Variants in FUNDC2 observed in about 807,000 individuals in gnomAD.
The protein encoded by FUNDC2 is FUN14 domain containing 2, also known as FUN14 domain-containing protein 2.
A neutral mutation model predicts 15.6 loss-of-function variants in FUNDC2; 4 were observed. That is an observed-to-expected ratio of 0.26 (90% CI 0.13 to 0.59). The LOEUF is 0.59. FUNDC2 is among the 20% of genes least tolerant of loss of function. The pLI is 0.90. For synonymous variants in FUNDC2, 44 were observed against 56.9 expected (o/e 0.77, Z 1.02); for missense variants, 98 against 149.7 (o/e 0.65, Z 1.80).
At chrX:155,041,349 A>C (rs781923392) in intron 2 of FUNDC2, among the ~76,000 whole-genome samples, 14 of 111,520 alleles carry the variant, frequency 1.3e-4, no homozygotes, top group Non-Finnish European at 1.9e-4. Context: ...CATTCTTATT[A>C]TTTTTGCATT....
chrX:155,032,008 T>G (rs1293506837), intron 1 of FUNDC2, among the ~76,000 whole-genome samples: 1 of 108,456 alleles, frequency 9.2e-6, no homozygotes, highest in Admixed American at 9.8e-5. Context: ...GGAGTTTCAC[T>G]CTTGTTGCCC....
rs1247134066 is a variant in FUNDC2, at chrX:155,054,945, GC to G, written c.*274del. The G allele has an allele frequency of 5.3e-6, 2 of 376,410 alleles. No individual in the cohort carries two copies. Among genetic ancestry groups the G allele is most frequent in the African/African-American group, 5.1e-5 (2 of 39,450 alleles). The allele number at this position is 376,410 out of a possible 1,213,427, so 31.0% of individuals were successfully genotyped here. On this transcript the variant is annotated 3_prime_UTR_variant, in exon 5 of 5. Coordinates refer to ENST00000369498, the MANE Select transcript of FUNDC2 (RefSeq NM_023934.4). ...AACAAGAAGGTTCCTTTACCCCCAT[GC>G]AAGACACTTATGAGAACACATTACA...
chrX:155,031,717 C>T (rs1861635048), intron 1 of FUNDC2, among the ~76,000 whole-genome samples: 1 of 112,373 alleles, frequency 8.9e-6, no homozygotes, highest in African/African-American at 3.2e-5. Flanking sequence ...TTGTTTGTTA[C>T]ATTATGTGTG....
At chrX:155,051,840 G>A in intron 4 of FUNDC2, 39 bp downstream of exon 4, 1 of 1,191,958 alleles carries the variant, frequency 8.4e-7, no homozygotes, top group Non-Finnish European at 1.1e-6. Context: ...TGTGAACAGT[G>A]CAGACAAAAA....
At position 155,055,425 on chromosome X, in the gene FUNDC2, C is replaced by T; in HGVS notation, c.*753C>T. On this transcript the variant is annotated 3_prime_UTR_variant, in exon 5 of 5. Coordinates refer to ENST00000369498, the MANE Select transcript of FUNDC2 (RefSeq NM_023934.4). Reference sequence around the variant, plus strand: ...AAAACATTAGGGGTGGCCATAACTCCTCTGTGCCACTTCTACTATTTTTTT... The same window carrying T: ...AAAACATTAGGGGTGGCCATAACTCTTCTGTGCCACTTCTACTATTTTTTT... 3.4e-6 allele frequency: 1 copy of T among 293,543 alleles called. No homozygotes were observed. Among genetic ancestry groups the T allele is most frequent in the South Asian group, 2.1e-4 (1 of 4,659 alleles). The allele number at this position is 293,543 out of a possible 1,213,427, so 24.2% of individuals were successfully genotyped here.
At chrX:155,054,265 T>C (rs1298992719) in intron 4 of FUNDC2, 10 of 751,197 alleles carry the variant, frequency 1.3e-5, no homozygotes, top group Non-Finnish European at 1.4e-5. Flanking sequence ...CTTTACTCTT[T>C]CGCCATAACT....
chrX:155,044,661 A>G (rs782081645), intron 2 of FUNDC2, among the ~76,000 whole-genome samples: 1 of 112,489 alleles, frequency 8.9e-6, no homozygotes, highest in Non-Finnish European at 1.9e-5. Context: ...GCACAATGAG[A>G]TATCAACTGG....
intron 4 of FUNDC2, 138 bp downstream of exon 4, chrX:155,051,939 G>GGA (rs1557290545): frequency 1.4e-5 from 8 of 571,744 alleles, no homozygotes; most frequent in African/African-American, 2.3e-5. Context: ...AAACTAACTT[G>GGA]GATTATCATC....
chrX:155,049,974 T>C (rs1251860002), intron 3 of FUNDC2: 3 of 112,202 alleles, frequency 2.7e-5, no homozygotes, highest in African/African-American at 9.7e-5. Flanking sequence ...CTAGGAGTTT[T>C]TGTTTTTTGT....
chrX:155,057,635 C>T lies in FUNDC2; in HGVS notation c.*2963C>T, dbSNP rs1557291205. On this transcript the variant is annotated 3_prime_UTR_variant, in exon 5 of 5. Coordinates refer to ENST00000369498, the MANE Select transcript of FUNDC2 (RefSeq NM_023934.4). ...AGGCTTCCCTTCCCTTGTCCTGCAG[C>T]GTGCTGGACAGTGTCCCGGCTCAGG... is the stretch of plus-strand genomic sequence containing the variant. The T allele has an allele frequency of 8.9e-6, 1 of 111,972 alleles. No individual in the cohort carries two copies. Among genetic ancestry groups the T allele is most frequent in the Non-Finnish European group, 1.9e-5 (1 of 53,116 alleles). The allele number at this position is 111,972 out of a possible 1,213,427, so 9.2% of individuals were successfully genotyped here. A position where few individuals can be genotyped will look rare whatever the true frequency, so the allele number is the denominator to read the frequency against.
Position 155,042,175 on chromosome X carries a change from C to CTTTTTTTTTTTTTTTTTTTTTTTT in FUNDC2, c.285-4328_285-4305dup, listed in dbSNP as rs1175079092. Among the ~76,000 whole-genome samples, 13 of 39,187 alleles carry CTTTTTTTTTTTTTTTTTTTTTTTT rather than the reference C, an allele frequency of 3.3e-4. 2 individuals are homozygous for CTTTTTTTTTTTTTTTTTTTTTTTT. Among genetic ancestry groups the CTTTTTTTTTTTTTTTTTTTTTTTT allele is most frequent in the East Asian group, 9.0e-4 (1 of 1,108 alleles). The allele number at this position is 39,187 out of a possible 115,157, so 34.0% of individuals were successfully genotyped here. A position where few individuals can be genotyped will look rare whatever the true frequency, so the allele number is the denominator to read the frequency against. ...CCTTGCTATAGTTTTCTTTTTCTAT[C>CTTTTTTTTTTTTTTTTTTTTTTTT]TTTTTTTTTTTTTTTTTTTTTTTTT... is the stretch of plus-strand genomic sequence containing the variant. On this transcript the variant is annotated intron_variant, in intron 2 of 4. Coordinates refer to ENST00000369498, the MANE Select transcript of FUNDC2 (RefSeq NM_023934.4).
intron 4 of FUNDC2, chrX:155,054,080 G>T (rs1362636463): frequency 1.3e-6 from 1 of 751,163 alleles, no homozygotes; most frequent in East Asian, 1.5e-4. Flanking sequence ...GTGTGAGAAT[G>T]AGAATTTATA....
At chrX:155,048,800 T>C (rs1287760492) in intron 3 of FUNDC2, among the ~76,000 whole-genome samples, 1 of 112,597 alleles carries the variant, frequency 8.9e-6, no homozygotes, top group East Asian at 2.8e-4. Context: ...CGTATAGATC[T>C]TGTACATCTG....
At position 155,042,051 on chromosome X, in the gene FUNDC2, A is replaced by G. The variant is rs2073847909; in HGVS notation, c.285-4458A>G. Among the ~76,000 whole-genome samples the G allele has an allele frequency of 3.1e-5, 3 of 95,900 alleles. No homozygotes were observed. The Admixed American group carries it at 3.3e-4, about 11-fold the overall frequency. 83.3% of individuals were successfully genotyped at this position (95,900 alleles called of 115,157 possible). ...GCCACTGCACTCTACCCTGGGCGACAGAGCGAGACTCCGTCTCAAAAAAAA... is the reference window on the plus strand; with the variant it reads ...GCCACTGCACTCTACCCTGGGCGACGGAGCGAGACTCCGTCTCAAAAAAAA... On this transcript the variant is annotated intron_variant, in intron 2 of 4. Coordinates refer to ENST00000369498, the MANE Select transcript of FUNDC2 (RefSeq NM_023934.4).
chrX:155,042,175 CTTTTTTTTTTT>C (rs1175079092), intron 2 of FUNDC2, among the ~76,000 whole-genome samples: 3 of 39,200 alleles, frequency 7.7e-5, no homozygotes, highest in South Asian at 1.9e-3. Flanking sequence ...CTTTTTCTAT[CTTTTTTTTTTT>C]TTTTTTTTTT....
intron 1 of FUNDC2, 94 bp downstream of exon 1, chrX:155,027,165 G>C: frequency 1.1e-6 from 1 of 929,276 alleles, no homozygotes; most frequent in Non-Finnish European, 1.4e-6. Flanking sequence ...TCGCGACCGA[G>C]CTCCCCGGGG....
rs139126908 is a variant in FUNDC2 at position 155,033,372 on chromosome X, A to C, written c.134-31A>C. ...AATCTAGTTAGGTATAAAAGTAAATATTTTCTTATTTAACGTATTACTTCT... is the reference window on the plus strand; with the variant it reads ...AATCTAGTTAGGTATAAAAGTAAATCTTTTCTTATTTAACGTATTACTTCT... On this transcript the variant is annotated intron_variant, in intron 1 of 4. Coordinates refer to ENST00000369498, the MANE Select transcript of FUNDC2 (RefSeq NM_023934.4). 1.1e-3 allele frequency: 1,187 copies of C among 1,122,762 alleles called. 10 individuals are homozygous for C. The African/African-American group carries it at 0.019, about 18-fold the overall frequency. The allele number at this position is 1,122,762 out of a possible 1,213,427, so 92.5% of individuals were successfully genotyped here.
chrX:155,036,057 G>A (rs910018017), intron 2 of FUNDC2, among the ~76,000 whole-genome samples: 1 of 111,911 alleles, frequency 8.9e-6, no homozygotes, highest in Admixed American at 9.5e-5. Flanking sequence ...GCTGAGTCAC[G>A]TAGTAAGTGA....
intron 2 of FUNDC2, among the ~76,000 whole-genome samples, chrX:155,037,563 A>C (rs1031905585): frequency 9.0e-6 from 1 of 110,760 alleles, no homozygotes; most frequent in Non-Finnish European, 1.9e-5. Flanking sequence ...GGCTTATTGC[A>C]ACCTCTGCCT....
Sources: gnomAD v4.1 joint callset for allele counts (sites outside exome capture counted in the v4.1 genomes callset) on GRCh38, gnomAD v4.1.1 for gene constraint, MANE v1.5 for transcripts, NCBI Gene and HGNC (gene_info 2026-07-23, HGNC 2026-07-21) for gene names.